Variants in DLG1 observed in about 807,000 individuals in gnomAD.
DLG1 encodes the protein disks large homolog 1.
Under a neutral mutation model 123.4 loss-of-function variants are expected in DLG1, and 42 were observed. That is an observed-to-expected ratio of 0.34 (90% confidence interval 0.27 to 0.44). The LOEUF is 0.44. Among genes scored for constraint, DLG1 ranks in the 20% least tolerant of loss-of-function variants. The pLI is 1.00. For missense variants in DLG1, 942 were observed against 1,082.6 expected, an observed-to-expected ratio of 0.87 and a Z score of 1.82; for synonymous variants, 317 against 356.2, an observed-to-expected ratio of 0.89 and a Z score of 1.24.
At chr3:197,205,862 T>C (rs1426222317) in intron 4 of DLG1, among the ~76,000 whole-genome samples, 1 of 152,184 alleles carries the variant, frequency 6.6e-6, no homozygotes, top group Non-Finnish European at 1.5e-5. Context: ...TCTATATACA[T>C]TGCTTGGCAG....
rs551877864 is a variant in DLG1, at chr3:197,129,659, G to A, written c.1165+868C>T. On this transcript the variant is annotated intron_variant, in intron 11 of 24. Coordinates refer to ENST00000667157, the MANE Select transcript of DLG1 (RefSeq NM_001366207.1). ...CCATTGAACATGCCTTCCTCACTAAGTTAAATCTTTTTGACATATAATGAG... is the reference window on the plus strand; with the variant it reads ...CCATTGAACATGCCTTCCTCACTAAATTAAATCTTTTTGACATATAATGAG... Among the ~76,000 whole-genome samples, 139 of 152,264 alleles carry A rather than the reference G, an allele frequency of 9.1e-4. 1 individual carries two copies. Among genetic ancestry groups the A allele is most frequent in the Non-Finnish European group, 1.6e-3 (110 of 68,014 alleles).
chr3:197,106,622 T>C (rs1238378279), intron 13 of DLG1, among the ~76,000 whole-genome samples: 1 of 152,170 alleles, frequency 6.6e-6, no homozygotes, highest in Non-Finnish European at 1.5e-5. Flanking sequence ...AGACAGGTTT[T>C]TCACAGATTA....
chr3:197,287,917 T>C (rs115226439), intron 3 of DLG1, among the ~76,000 whole-genome samples: 2,290 of 152,270 alleles, frequency 0.015, 61 homozygotes, highest in African/African-American at 0.052. Flanking sequence ...AGCCTTAAAA[T>C]GCACACTCCC....
At chr3:197,088,197 A>C (rs1288079984) in intron 15 of DLG1, among the ~76,000 whole-genome samples, 1 of 152,212 alleles carries the variant, frequency 6.6e-6, no homozygotes. Flanking sequence ...AAAACAATGA[A>C]AGGAACACTG....
intron 24 of DLG1, among the ~76,000 whole-genome samples, chr3:197,048,413 G>C (rs2070486156): frequency 6.6e-6 from 1 of 152,232 alleles, no homozygotes; most frequent in African/African-American, 2.4e-5. Flanking sequence ...AGAGGTTGCA[G>C]TGAGCTGAGA....
chr3:197,058,609 T>G (rs545743182), intron 23 of DLG1, among the ~76,000 whole-genome samples: 75 of 152,374 alleles, frequency 4.9e-4, no homozygotes, highest in African/African-American at 1.7e-3. Context: ...CTTTGAAATT[T>G]GTAATCTAGC....
rs183729745 is a variant in DLG1 at position 197,140,272 on chromosome 3, T to C, written c.589-8A>G. Reference sequence around the variant, plus strand: ...ACCAAGCCCTGAATTTCCCTGAGGATAGAAGAAAAAAAATTGAGACTGAAT... The same window carrying C: ...ACCAAGCCCTGAATTTCCCTGAGGACAGAAGAAAAAAAATTGAGACTGAAT... On this transcript the variant is annotated splice_polypyrimidine_tract_variant and splice_region_variant and intron_variant, in intron 7 of 24. Transcript: ENST00000667157. 20 of 1,609,024 alleles carry C rather than the reference T, an allele frequency of 1.2e-5. No homozygotes were observed. Among genetic ancestry groups the C allele is most frequent in the Middle Eastern group, 1.7e-4 (1 of 6,014 alleles).
intron 16 of DLG1, among the ~76,000 whole-genome samples, chr3:197,084,601 C>T (rs1753160038): frequency 1.3e-5 from 2 of 151,858 alleles, no homozygotes; most frequent in African/African-American, 4.8e-5. Flanking sequence ...TGAGCCACTG[C>T]ACCTGGCCCA....
chr3:197,121,121 T>C (rs777636865), intron 11 of DLG1, among the ~76,000 whole-genome samples: 1 of 151,894 alleles, frequency 6.6e-6, no homozygotes, highest in African/African-American at 2.4e-5. Flanking sequence ...AACCAGAAAA[T>C]ATACATTTTC....
Position 197,217,795 on chromosome 3 carries a change from A to G in DLG1, c.319-23206T>C, listed in dbSNP as rs114243281. On this transcript the variant is annotated intron_variant, in intron 4 of 24. Coordinates refer to ENST00000667157, the MANE Select transcript of DLG1 (RefSeq NM_001366207.1). ...AGAGAAGAGAACAGGGAAGGACAGG[A>G]GGGAGGGACTGAAAAGCAGCTTTGG... Among the ~76,000 whole-genome samples the G allele has an allele frequency of 3.4e-3, 519 of 152,338 alleles. 2 individuals are homozygous for G. Among genetic ancestry groups the G allele is most frequent in the Non-Finnish European group, 5.8e-3 (394 of 68,034 alleles).
chr3:197,066,548 CTA>C (rs1317119587), intron 20 of DLG1, among the ~76,000 whole-genome samples, 154 bp downstream of exon 20: 1 of 151,986 alleles, frequency 6.6e-6, no homozygotes, highest in Non-Finnish European at 1.5e-5. Context: ...GTGGAGTAAA[CTA>C]TGTTTCATAA....
intron 4 of DLG1, among the ~76,000 whole-genome samples, chr3:197,261,123 CTTTGTT>C (rs1275619401): frequency 3.9e-5 from 6 of 152,172 alleles, no homozygotes; most frequent in Non-Finnish European, 4.4e-5. Context: ...CTCAAGAAGT[CTTTGTT>C]TTTAAGTCAA....
chr3:197,296,005 G>A (rs1777199104), intron 3 of DLG1, among the ~76,000 whole-genome samples: 1 of 152,182 alleles, frequency 6.6e-6, no homozygotes, highest in Non-Finnish European at 1.5e-5. Flanking sequence ...CGCTTTCAAT[G>A]ACTTCAGAGA....
At chr3:197,252,132 G>A (rs1362126689) in intron 4 of DLG1, among the ~76,000 whole-genome samples, 1 of 152,082 alleles carries the variant, frequency 6.6e-6, no homozygotes, top group Non-Finnish European at 1.5e-5. Flanking sequence ...TTAAGTACAG[G>A]TCTATCATCG....
chr3:197,074,636 T>C lies in DLG1; in HGVS notation c.2005+1950A>G, dbSNP rs576663318. ...AATTTTAGAGGTTTTCATTGATAAT[T>C]TTCCCCAAATGTAAGGGTGTCACTA... On this transcript the variant is annotated intron_variant, in intron 18 of 24. Transcript: ENST00000667157. Among the ~76,000 whole-genome samples the C allele has an allele frequency of 2.6e-5, 4 of 152,160 alleles. No homozygotes were observed. In the East Asian group the frequency reaches 5.8e-4, roughly 22 times the overall value.
At chr3:197,277,824 T>C (rs9836559) in intron 4 of DLG1, among the ~76,000 whole-genome samples, 85,480 of 151,882 alleles carry the variant, frequency 0.56, 24,616 homozygotes, top group East Asian at 0.78. Context: ...ATAAAAATGA[T>C]GTGTTATTTT....
In DLG1 at chr3:197,190,747, C is replaced by A. The variant is rs575876120; in HGVS notation, c.483+3678G>T. Reference sequence around the variant, plus strand: ...TTTTGTCGGCCGGGCGCGGTGGCTCCCGCCTGTAATCCCAGCACTGTGGGA... The same window carrying A: ...TTTTGTCGGCCGGGCGCGGTGGCTCACGCCTGTAATCCCAGCACTGTGGGA... On this transcript the variant is annotated intron_variant, in intron 5 of 24. Coordinates refer to ENST00000667157, the MANE Select transcript of DLG1 (RefSeq NM_001366207.1). Among the ~76,000 whole-genome samples the A allele has an allele frequency of 3.7e-3, 556 of 152,236 alleles. 1 individual carries two copies. The highest frequency in any genetic ancestry group is 0.012 in the African/African-American group (513 of 41,554).
intron 4 of DLG1, among the ~76,000 whole-genome samples, chr3:197,275,434 A>C (rs1765935707): frequency 6.6e-6 from 1 of 152,214 alleles, no homozygotes; most frequent in Non-Finnish European, 1.5e-5. Flanking sequence ...TCAAAGAGAG[A>C]TCTACATGCC....
Position 197,257,754 on chromosome 3 carries a change from C to T in DLG1, c.318+24925G>A, listed in dbSNP as rs556365876. On this transcript the variant is annotated intron_variant, in intron 4 of 24. Transcript: ENST00000667157. ...AAAGAACACGAAATGCCCTCAGCTGCGGTTTAAGCAGAGTGCTTTATTGCT... is the reference window on the plus strand; with the variant it reads ...AAAGAACACGAAATGCCCTCAGCTGTGGTTTAAGCAGAGTGCTTTATTGCT... 9.9e-5 allele frequency among the ~76,000 whole-genome samples: 15 copies of T among 152,274 alleles called. No homozygotes were observed. In the South Asian group the frequency reaches 1.9e-3, roughly 19 times the overall value.
Sources: gnomAD v4.1 joint callset for allele counts (sites outside exome capture counted in the v4.1 genomes callset) on GRCh38, gnomAD v4.1.1 for gene constraint, MANE v1.5 for transcripts, NCBI Gene and HGNC (gene_info 2026-07-23, HGNC 2026-07-21) for gene names.